Variants in C2orf74 observed in about 807,000 individuals in gnomAD.
The protein encoded by C2orf74 is uncharacterized protein C2orf74.
In C2orf74, 14 loss-of-function variants were observed where a neutral mutation model predicts 17.9. The observed-to-expected ratio is 0.78, with a 90% CI of 0.52 to 1.22. C2orf74 has a LOEUF of 1.22. Among genes scored for constraint, C2orf74 ranks in the 50% most tolerant of loss-of-function variants. C2orf74 has a pLI of 0.00. For missense variants in C2orf74, 217 were observed against 218.4 expected (o/e 0.99, Z 0.04); for synonymous variants, 79 against 72.6 (o/e 1.09, Z -0.44).
upstream of C2orf74, among the ~76,000 whole-genome samples, chr2:61,160,713 C>T (rs906644996): frequency 6.6e-6 from 1 of 151,764 alleles, no homozygotes; most frequent in East Asian, 1.9e-4. Flanking sequence ...TGGTCTTGAA[C>T]TCCTGACCTC....
intron 1 of C2orf74, among the ~76,000 whole-genome samples, chr2:61,150,000 C>T (rs1446348032): frequency 2.6e-5 from 4 of 152,106 alleles, no homozygotes; most frequent in Non-Finnish European, 5.9e-5. Context: ...TTGGAGATGG[C>T]CTTTCCCGGG....
intron 4 of C2orf74, among the ~76,000 whole-genome samples, chr2:61,163,508 G>T (rs2103650622): frequency 6.6e-6 from 1 of 152,056 alleles, no homozygotes; most frequent in East Asian, 1.9e-4. Context: ...GGAGGCTGAG[G>T]CAGGAGAATC....
At chr2:61,156,445 G>T (rs886601604) in intron 1 of C2orf74, among the ~76,000 whole-genome samples, 2 of 152,056 alleles carry the variant, frequency 1.3e-5, no homozygotes, top group Non-Finnish European at 2.9e-5. Context: ...AAATGGATGA[G>T]ATTTAGAATA....
Position 61,163,166 on chromosome 2 carries a change from AGAAGAGG to A in C2orf74, c.325_331del (p.Glu109ArgfsTer4). 1.9e-6 allele frequency: 3 copies of A among 1,552,420 alleles called. No individual in the cohort carries two copies. Among genetic ancestry groups the A allele is most frequent in the Non-Finnish European group, 2.6e-6 (3 of 1,147,126 alleles). On this transcript the variant is annotated frameshift_variant, in exon 4 of 5. Transcript: ENST00000432605. LOFTEE classifies it high-confidence loss of function. ...TAGAAAACAGAAGGGACATGGAGGC[AGAAGAGG>A]AGAACCAAATAAATGAGAAGCAAGA...
intron 1 of C2orf74, among the ~76,000 whole-genome samples, chr2:61,155,517 G>A (rs1457307467): frequency 6.7e-6 from 1 of 148,294 alleles, no homozygotes; most frequent in Non-Finnish European, 1.5e-5. Flanking sequence ...TTGTTTGTTT[G>A]TTTGTTTGTT....
upstream of C2orf74, among the ~76,000 whole-genome samples, chr2:61,160,453 C>G (rs1357378746): frequency 6.6e-6 from 1 of 152,046 alleles, no homozygotes; most frequent in Non-Finnish European, 1.5e-5. Context: ...AGCCACTGCG[C>G]CCAGCCCGGA....
At chr2:61,160,305 C>T (rs1685524852), upstream of C2orf74, among the ~76,000 whole-genome samples, 2 of 151,990 alleles carry the variant, frequency 1.3e-5, no homozygotes, top group African/African-American at 4.8e-5. Flanking sequence ...GGATTACGGG[C>T]ACCTGCCCCC....
At chr2:61,161,072 T>C (rs1388724481), upstream of C2orf74, among the ~76,000 whole-genome samples, 2 of 152,232 alleles carry the variant, frequency 1.3e-5, no homozygotes, top group African/African-American at 4.8e-5. Context: ...ACCAATACTT[T>C]TTTTTCTTTC....
chr2:61,161,374 T>C (rs892692111), upstream of C2orf74, among the ~76,000 whole-genome samples: 4 of 152,240 alleles, frequency 2.6e-5, no homozygotes, highest in Non-Finnish European at 4.4e-5. Flanking sequence ...TTCTCACATA[T>C]GGCTTTTATT....
chr2:61,148,803 G>A (rs1685142062), intron 1 of C2orf74, among the ~76,000 whole-genome samples: 1 of 151,914 alleles, frequency 6.6e-6, no homozygotes, highest in African/African-American at 2.4e-5. Flanking sequence ...TGCAACCTCC[G>A]TCTTCCAGGT....
At chr2:61,149,459 C>G (rs1559175386) in intron 1 of C2orf74, among the ~76,000 whole-genome samples, 17 of 151,922 alleles carry the variant, frequency 1.1e-4, no homozygotes. Context: ...TGGCCCTTCT[C>G]TGTATCTCAG....
At position 61,163,332 on chromosome 2, in the gene C2orf74, G is replaced by A. The variant is rs370833717; in HGVS notation, c.390+100G>A. ...GTATAATAATAGGAGATGGAGGACC[G>A]GGCGGGTGGCTCACGCCTGTAATCC... is the stretch of plus-strand genomic sequence containing the variant. On this transcript the variant is annotated intron_variant, in intron 4 of 4. Transcript: ENST00000432605. The A allele has an allele frequency of 1.1e-4, 141 of 1,323,856 alleles. 1 individual carries two copies. Among genetic ancestry groups the A allele is most frequent in the Middle Eastern group, 8.1e-4 (3 of 3,722 alleles). 82.0% of individuals were successfully genotyped at this position (1,323,856 alleles called of 1,614,324 possible). A position where few individuals can be genotyped will look rare whatever the true frequency, so the allele number is the denominator to read the frequency against.
upstream of C2orf74, among the ~76,000 whole-genome samples, chr2:61,158,361 A>G (rs947100589): frequency 2.0e-5 from 3 of 152,206 alleles, no homozygotes; most frequent in African/African-American, 7.2e-5. Context: ...TACAAAGACT[A>G]TGAAAGACCC....
At chr2:61,150,185 TA>T (rs913788870) in intron 1 of C2orf74, among the ~76,000 whole-genome samples, 1 of 152,170 alleles carries the variant, frequency 6.6e-6, no homozygotes, top group Non-Finnish European at 1.5e-5. Context: ...CAAGAGTCAG[TA>T]AACTAAAACT....
chr2:61,158,596 G>A (rs1274908271), upstream of C2orf74, among the ~76,000 whole-genome samples: 4 of 152,202 alleles, frequency 2.6e-5, no homozygotes, highest in Admixed American at 2.0e-4. Context: ...GCTTTAATCT[G>A]GTGGTGCAGC....
chr2:61,155,696 A>AT (rs1490787417), intron 1 of C2orf74, among the ~76,000 whole-genome samples: 1 of 151,780 alleles, frequency 6.6e-6, no homozygotes, highest in Non-Finnish European at 1.5e-5. Context: ...GATTTTTTGT[A>AT]TTTTTAGTAG....
At chr2:61,160,285 C>A (rs1573720445), upstream of C2orf74, among the ~76,000 whole-genome samples, 1 of 152,092 alleles carries the variant, frequency 6.6e-6, no homozygotes. Flanking sequence ...CTTGGCCCCC[C>A]AAGTAGCTGG....
intron 1 of C2orf74, chr2:61,151,326 A>AG (rs1483713430): frequency 1.3e-5 from 2 of 150,054 alleles, no homozygotes; most frequent in Non-Finnish European, 3.0e-5. Flanking sequence ...AAAAAAAAAA[A>AG]AAAAAAGATG....
In C2orf74 at chr2:61,164,270, G is replaced by A. The variant is rs879010085; in HGVS notation, c.391-84G>A. 1.0e-5 allele frequency: 11 copies of A among 1,104,110 alleles called. No homozygotes were observed. The South Asian group carries it at 2.1e-4, about 21-fold the overall frequency. 68.4% of individuals were successfully genotyped at this position (1,104,110 alleles called of 1,614,324 possible). Reference sequence around the variant, plus strand: ...AAATGCTTTTTCTGTTTCTCGTTAAGTGTACATATAACCTGTAATTTTAAA... The same window carrying A: ...AAATGCTTTTTCTGTTTCTCGTTAAATGTACATATAACCTGTAATTTTAAA... On this transcript the variant is annotated intron_variant, in intron 4 of 4. Coordinates refer to ENST00000432605, the MANE Select transcript of C2orf74 (RefSeq NM_001143959.4).
Sources: gnomAD v4.1 joint callset for allele counts (sites outside exome capture counted in the v4.1 genomes callset) on GRCh38, gnomAD v4.1.1 for gene constraint, MANE v1.5 for transcripts, NCBI Gene and HGNC (gene_info 2026-07-23, HGNC 2026-07-21) for gene names.